The following GPM6A variants were observed in gnomAD, a reference collection of about 807,000 sequenced individuals.
GPM6A encodes the protein glycoprotein M6A, also known as neuronal membrane glycoprotein M6-a.
In GPM6A, 7 loss-of-function variants were observed where a neutral mutation model predicts 32.1. The observed-to-expected ratio is 0.22, with a 90% CI of 0.12 to 0.41. GPM6A has a LOEUF of 0.41. GPM6A is among the 10% of genes least tolerant of loss of function. The probability of loss-of-function intolerance (pLI) is 1.00; values close to 1 mark genes in which losing one functional copy is unlikely to be tolerated. For synonymous variants in GPM6A, 130 were observed against 123.4 expected, an observed-to-expected ratio of 1.05 and a Z score of -0.35; for missense variants, 235 against 347.2, an observed-to-expected ratio of 0.68 and a Z score of 2.57.
chr4:175,935,996 T>TA (rs35207552), intron 1 of GPM6A, among the ~76,000 whole-genome samples: 15,822 of 149,410 alleles, frequency 0.11, 892 homozygotes, highest in South Asian at 0.25. Flanking sequence ...AAATATTTAG[T>TA]AAAAAAAAAT....
chr4:175,655,910 G>C (rs1011105566), intron 3 of GPM6A, among the ~76,000 whole-genome samples: 1 of 152,104 alleles, frequency 6.6e-6, no homozygotes, highest in African/African-American at 2.4e-5. Context: ...AACTCAAAGA[G>C]AGGAGATAGT....
chr4:175,977,819 G>A (rs1219581930), intron 1 of GPM6A, among the ~76,000 whole-genome samples: 2 of 152,136 alleles, frequency 1.3e-5, no homozygotes, highest in African/African-American at 4.8e-5. Flanking sequence ...CTTAAGAGGT[G>A]ATAGTTTATA....
Position 175,832,331 on chromosome 4 carries a change from T to C in GPM6A, c.-22-20082A>G, listed in dbSNP as rs183347791. ...CCTCAGCTAAACAAGAAAGTAGTAT[T>C]TTTTTCTTTATAAAGACAAGGAGGA... On this transcript the variant is annotated intron_variant, in intron 1 of 7. Coordinates refer to the GPM6A transcript ENST00000280187. 1.8e-3 allele frequency among the ~76,000 whole-genome samples: 269 copies of C among 152,286 alleles called. 1 individual carries two copies. The highest frequency in any genetic ancestry group is 6.2e-3 in the African/African-American group (257 of 41,576).
At chr4:175,844,193 T>C (rs1300020048) in intron 1 of GPM6A, among the ~76,000 whole-genome samples, 6 of 152,172 alleles carry the variant, frequency 3.9e-5, no homozygotes, top group African/African-American at 1.4e-4. Context: ...AATAAAACCT[T>C]CAATGCCATT....
chr4:175,807,463 C>A (rs13142920), intron 1 of GPM6A: 17,936 of 152,168 alleles, frequency 0.12, 1,443 homozygotes, highest in East Asian at 0.35. Context: ...TAGAGATTCA[C>A]CCAGAGTAGC....
intron 2 of GPM6A, among the ~76,000 whole-genome samples, chr4:175,682,833 C>A (rs1743762905): frequency 1.3e-5 from 2 of 152,194 alleles, no homozygotes; most frequent in South Asian, 4.1e-4. Context: ...TATGAGAAAG[C>A]CTGGGTGCCC....
At chr4:175,926,438 A>C (rs72704540) in intron 1 of GPM6A, among the ~76,000 whole-genome samples, 45 of 152,282 alleles carry the variant, frequency 3.0e-4, no homozygotes, top group Non-Finnish European at 5.1e-4. Context: ...AGAATCTTTC[A>C]ATAGGGCTTA....
chr4:175,941,494 C>T (rs1365867450), intron 1 of GPM6A, among the ~76,000 whole-genome samples: 1 of 152,108 alleles, frequency 6.6e-6, no homozygotes, highest in East Asian at 1.9e-4. Context: ...CACCCATCAA[C>T]CTGTCATCTA....
At chr4:175,931,148 A>T (rs1313339831) in intron 1 of GPM6A, among the ~76,000 whole-genome samples, 1 of 152,168 alleles carries the variant, frequency 6.6e-6, no homozygotes, top group African/African-American at 2.4e-5. Context: ...GCACAGTTCT[A>T]AGAACTTATT....
chr4:175,875,885 G>C (rs1039619019), intron 1 of GPM6A, among the ~76,000 whole-genome samples: 7 of 152,122 alleles, frequency 4.6e-5, no homozygotes, highest in African/African-American at 1.7e-4. Context: ...TGAGAGCTAT[G>C]ATTTCCCTTT....
Position 175,847,331 on chromosome 4 carries a change from C to T in GPM6A, c.-22-35082G>A, listed in dbSNP as rs77315272. ...TGCTCTTTCTGTGACCCAGGGTCAA[C>T]CGCAGTCCAAAAATATTAAATGGAA... On this transcript the variant is annotated intron_variant, in intron 1 of 7. Coordinates refer to the GPM6A transcript ENST00000280187. 4.9e-3 allele frequency among the ~76,000 whole-genome samples: 743 copies of T among 152,234 alleles called. 8 individuals are homozygous for T. The highest frequency in any genetic ancestry group is 0.017 in the African/African-American group (712 of 41,538).
At chr4:175,906,804 A>C (rs2111500177) in intron 1 of GPM6A, 1 of 152,270 alleles carries the variant, frequency 6.6e-6, no homozygotes, top group Non-Finnish European at 1.5e-5. Context: ...GAGAACCCAA[A>C]TTAAGTTGGG....
At chr4:175,986,407 G>T (rs1211407809) in intron 1 of GPM6A, among the ~76,000 whole-genome samples, 1 of 151,818 alleles carries the variant, frequency 6.6e-6, no homozygotes, top group African/African-American at 2.4e-5. Flanking sequence ...TGCAGTGGCT[G>T]TGGGTATAGT....
At chr4:175,757,161 G>C (rs1273774837) in intron 1 of GPM6A, among the ~76,000 whole-genome samples, 1 of 152,030 alleles carries the variant, frequency 6.6e-6, no homozygotes, top group East Asian at 1.9e-4. Context: ...GTTATACAGG[G>C]GAGTGCTGCT....
Position 175,651,630 on chromosome 4 carries a change from T to C in GPM6A, c.541+204A>G, listed in dbSNP as rs188797008. 2.6e-5 allele frequency among the ~76,000 whole-genome samples: 4 copies of C among 152,330 alleles called. No homozygotes were observed. In the East Asian group the frequency reaches 7.7e-4, roughly 29 times the overall value. ...CTGGTCAATATACATGTGTATATGT[T>C]GTGATATTAACATCCATTCACCCTT... On this transcript the variant is annotated intron_variant, in intron 4 of 6. Transcript: ENST00000393658.
intron 1 of GPM6A, among the ~76,000 whole-genome samples, chr4:175,857,937 T>C (rs1479522606): frequency 6.6e-6 from 1 of 151,994 alleles, no homozygotes; most frequent in East Asian, 1.9e-4. Context: ...TAATTAGAAA[T>C]TGAAATTTTA....
At chr4:175,664,901 C>G (rs73018176) in intron 3 of GPM6A, among the ~76,000 whole-genome samples, 112 of 152,268 alleles carry the variant, frequency 7.4e-4, no homozygotes, top group African/African-American at 2.4e-3. Context: ...TAGCCTACTA[C>G]AAACCTATGC....
At chr4:175,832,426 C>T (rs527322485) in intron 1 of GPM6A, among the ~76,000 whole-genome samples, 18 of 152,058 alleles carry the variant, frequency 1.2e-4, no homozygotes, top group Non-Finnish European at 2.2e-4. Flanking sequence ...TCTTTTAAGA[C>T]AATATGTTAT....
chr4:175,643,392 T>C (rs1741267979), intron 4 of GPM6A, among the ~76,000 whole-genome samples: 1 of 152,184 alleles, frequency 6.6e-6, no homozygotes, highest in African/African-American at 2.4e-5. Flanking sequence ...TCTCAGTCTT[T>C]TGTCCTACTG....
Sources: allele counts gnomAD v4.1 joint callset (sites outside exome capture counted in the v4.1 genomes callset), GRCh38; gene constraint gnomAD v4.1.1; transcripts MANE v1.5; gene names NCBI Gene and HGNC (gene_info 2026-07-23, HGNC 2026-07-21).